Variants in CSMD1 observed in about 807,000 individuals in gnomAD.
The protein encoded by CSMD1 is CUB and Sushi multiple domains 1, also known as CUB and sushi domain-containing protein 1.
A neutral mutation model predicts 417.5 loss-of-function variants in CSMD1; 213 were observed. The observed-to-expected ratio is 0.51, with a 90% confidence interval of 0.46 to 0.57. The LOEUF is 0.57. Ranked by LOEUF, CSMD1 falls within the 20% of genes least tolerant of loss-of-function variation. The pLI is 0.00. For synonymous variants in CSMD1, 2,862 were observed against 1,736.8 expected (o/e 1.65, Z -16.11); for missense variants, 6,923 against 4,529.7 (o/e 1.53, Z -15.17).
intron 25 of CSMD1, among the ~76,000 whole-genome samples, chr8:3,298,886 C>G (rs1191539890): frequency 6.6e-6 from 1 of 152,280 alleles, no homozygotes; most frequent in East Asian, 1.9e-4. Context: ...CTTTCTTTAT[C>G]TGAGTTCTGG....
rs201958021 is a variant in CSMD1 at position 3,844,918 on chromosome 8, A to AC, written c.819-90877_819-90876insG. On this transcript the variant is annotated intron_variant, in intron 5 of 69. Transcript: ENST00000635120. ...GTCAATATTTGTCTGTGCATTTAAA[A>AC]ACTGCCATCAGAATGCTTGATTTTT... Among the ~76,000 whole-genome samples the AC allele has an allele frequency of 1.0e-3, 154 of 152,234 alleles. 2 individuals carry two copies. Among genetic ancestry groups the AC allele is most frequent in the African/African-American group, 3.2e-3 (134 of 41,516 alleles).
intron 3 of CSMD1, among the ~76,000 whole-genome samples, chr8:4,047,480 G>C (rs1190466614): frequency 1.3e-5 from 2 of 152,126 alleles, no homozygotes; most frequent in Non-Finnish European, 2.9e-5. Flanking sequence ...ACTCAGATTA[G>C]TGGTAGCGTA....
chr8:3,508,107 C>G (rs565466558), intron 10 of CSMD1, among the ~76,000 whole-genome samples: 1 of 152,020 alleles, frequency 6.6e-6, no homozygotes, highest in African/African-American at 2.4e-5. Flanking sequence ...AATGGTATTG[C>G]CTAGGTTTCC....
intron 1 of CSMD1, among the ~76,000 whole-genome samples, chr8:4,673,759 A>G (rs1034066224): frequency 1.3e-5 from 2 of 152,206 alleles, no homozygotes; most frequent in African/African-American, 4.8e-5. Context: ...GCCAGTCACA[A>G]AAGGTCACAC....
intron 23 of CSMD1, among the ~76,000 whole-genome samples, chr8:3,319,438 G>A (rs1486458997): frequency 6.6e-6 from 1 of 152,124 alleles, no homozygotes; most frequent in Non-Finnish European, 1.5e-5. Context: ...TTGATAGCTT[G>A]AGTAATTAAA....
chr8:3,866,456 T>A lies in CSMD1; in HGVS notation c.819-112414A>T, dbSNP rs561544675. Among the ~76,000 whole-genome samples, 21 of 152,314 alleles carry A rather than the reference T, an allele frequency of 1.4e-4. No individual in the cohort carries two copies. In the South Asian group the frequency reaches 4.3e-3, roughly 32 times the overall value. On this transcript the variant is annotated intron_variant, in intron 5 of 69. Coordinates refer to ENST00000635120, the MANE Select transcript of CSMD1 (RefSeq NM_033225.6). ...GATTACCTGATATGTTTAAATAGTGTGTGCTTGTGATATTAATATTTTACA... is the reference window on the plus strand; with the variant it reads ...GATTACCTGATATGTTTAAATAGTGAGTGCTTGTGATATTAATATTTTACA...
intron 1 of CSMD1, among the ~76,000 whole-genome samples, chr8:4,662,074 T>C (rs956658203): frequency 1.2e-4 from 18 of 152,136 alleles, no homozygotes; most frequent in Admixed American, 9.2e-4. Flanking sequence ...TATATTAAGA[T>C]AAAAATTTGG....
chr8:4,899,714 C>A (rs1804741152), intron 1 of CSMD1, among the ~76,000 whole-genome samples: 1 of 152,146 alleles, frequency 6.6e-6, no homozygotes, highest in Non-Finnish European at 1.5e-5. Flanking sequence ...AATTTCTAAT[C>A]ATATCTCACT....
chr8:4,067,963 G>A (rs1374690763), intron 3 of CSMD1, among the ~76,000 whole-genome samples: 1 of 152,094 alleles, frequency 6.6e-6, no homozygotes, highest in South Asian at 2.1e-4. Flanking sequence ...TGTAATCCCA[G>A]CTACTTGGGA....
At chr8:3,269,372 A>G (rs1378413374) in intron 26 of CSMD1, among the ~76,000 whole-genome samples, 1 of 152,244 alleles carries the variant, frequency 6.6e-6, no homozygotes, top group Non-Finnish European at 1.5e-5. Context: ...AGGCAGAGAA[A>G]CTTGGACCAT....
chr8:3,064,558 A>T (rs369154344), intron 49 of CSMD1, among the ~76,000 whole-genome samples: 120 of 152,318 alleles, frequency 7.9e-4, no homozygotes, highest in African/African-American at 2.6e-3. Context: ...GTAGTGTGAG[A>T]ATGGATTAAT....
intron 6 of CSMD1, among the ~76,000 whole-genome samples, chr8:3,743,444 G>A (rs888394406): frequency 1.3e-5 from 2 of 152,188 alleles, no homozygotes; most frequent in African/African-American, 4.8e-5. Flanking sequence ...TAAGTATTAT[G>A]TGGAGACTTC....
intron 5 of CSMD1, among the ~76,000 whole-genome samples, chr8:3,818,796 G>A (rs1462000205): frequency 3.9e-5 from 6 of 152,116 alleles, no homozygotes; most frequent in African/African-American, 1.4e-4. Context: ...CCCGACCTAC[G>A]TCCCTCTTTC....
intron 49 of CSMD1, among the ~76,000 whole-genome samples, chr8:3,063,022 A>G (rs572826949): frequency 2.6e-5 from 4 of 152,216 alleles, no homozygotes; most frequent in African/African-American, 7.2e-5. Context: ...GTGTGTCATA[A>G]AAAACTCTGA....
intron 1 of CSMD1, chr8:4,788,712 A>C (rs1797537958): frequency 2.0e-6 from 1 of 504,256 alleles, no homozygotes; most frequent in African/African-American, 1.9e-5. Flanking sequence ...TTAGTGAATC[A>C]ATGCTTCTCT....
At chr8:4,319,021 G>A (rs139777023) in intron 3 of CSMD1, among the ~76,000 whole-genome samples, 9 of 152,182 alleles carry the variant, frequency 5.9e-5, no homozygotes, top group Admixed American at 3.9e-4. Context: ...CTAACAAAGC[G>A]GCTTGAAGGT....
chr8:3,189,615 T>C (rs1173757160), intron 34 of CSMD1, among the ~76,000 whole-genome samples: 1 of 152,196 alleles, frequency 6.6e-6, no homozygotes, highest in Non-Finnish European at 1.5e-5. Flanking sequence ...AACATGATAA[T>C]GGTTTTTTCC....
At chr8:3,893,733 T>G (rs2129128955) in intron 5 of CSMD1, among the ~76,000 whole-genome samples, 1 of 152,078 alleles carries the variant, frequency 6.6e-6, no homozygotes, top group Non-Finnish European at 1.5e-5. Flanking sequence ...CAATAAGCAT[T>G]AACATTCGCT....
intron 5 of CSMD1, among the ~76,000 whole-genome samples, chr8:3,823,954 C>G (rs530586488): frequency 6.6e-6 from 1 of 152,190 alleles, no homozygotes; most frequent in South Asian, 2.1e-4. Flanking sequence ...ACAAACAGAT[C>G]AAATAATTTA....
Sources: allele counts gnomAD v4.1 joint callset (sites outside exome capture counted in the v4.1 genomes callset), GRCh38; gene constraint gnomAD v4.1.1; transcripts MANE v1.5; gene names NCBI Gene and HGNC (gene_info 2026-07-23, HGNC 2026-07-21).